Variants in PTPRK observed in about 807,000 individuals in gnomAD.
PTPRK encodes protein tyrosine phosphatase receptor type K.
PTPRK carries 75 observed loss-of-function variants against 178.0 expected under a neutral mutation model. The ratio of observed to expected loss-of-function variants is 0.42; its 90% CI spans 0.35 to 0.51. The LOEUF (loss-of-function observed/expected upper bound fraction) is 0.51, where lower values mean the gene tolerates loss of function less well. Among genes scored for constraint, PTPRK ranks in the 20% least tolerant of loss-of-function variants. The probability of loss-of-function intolerance (pLI) is 0.02; values close to 1 mark genes in which losing one functional copy is unlikely to be tolerated. For missense variants in PTPRK, 1,441 were observed against 1,797.8 expected (o/e 0.80, Z 3.59); for synonymous variants, 637 against 620.6 (o/e 1.03, Z -0.39).
chr6:128,492,556 G>T (rs972582563), intron 1 of PTPRK, among the ~76,000 whole-genome samples: 1 of 152,098 alleles, frequency 6.6e-6, no homozygotes, highest in Admixed American at 6.5e-5. Flanking sequence ...GGCCCCAAGA[G>T]AAGCTGTAAC....
At chr6:128,021,600 A>G (rs375331658) in intron 13 of PTPRK, among the ~76,000 whole-genome samples, 3 of 152,216 alleles carry the variant, frequency 2.0e-5, no homozygotes, top group South Asian at 4.1e-4. Context: ...AGATTGTGCC[A>G]CTGCACTCCA....
chr6:128,310,088 C>T (rs1322742516), intron 3 of PTPRK, among the ~76,000 whole-genome samples: 1 of 152,210 alleles, frequency 6.6e-6, no homozygotes, highest in Non-Finnish European at 1.5e-5. Context: ...CTTTACCCAA[C>T]AAGCACATGC....
intron 3 of PTPRK, among the ~76,000 whole-genome samples, chr6:128,297,167 A>G (rs1477207913): frequency 2.0e-5 from 3 of 152,132 alleles, no homozygotes; most frequent in African/African-American, 2.4e-5. Context: ...TTCAACAAGA[A>G]GAGCTAACTA....
intron 2 of PTPRK, among the ~76,000 whole-genome samples, chr6:128,381,027 C>T (rs1466497512): frequency 6.6e-6 from 1 of 152,012 alleles, no homozygotes; most frequent in Admixed American, 6.6e-5. Flanking sequence ...TAGATATTTG[C>T]TGGTGCTTGC....
At chr6:128,025,081 A>G (rs1774090701) in intron 13 of PTPRK, among the ~76,000 whole-genome samples, 1 of 152,234 alleles carries the variant, frequency 6.6e-6, no homozygotes, top group Non-Finnish European at 1.5e-5. Flanking sequence ...AGCTGAAAGA[A>G]TTTGCCAGTC....
chr6:128,514,383 T>C (rs913457804), intron 1 of PTPRK, among the ~76,000 whole-genome samples: 2 of 146,244 alleles, frequency 1.4e-5, no homozygotes, highest in African/African-American at 5.3e-5. Context: ...TGTGTGTGTG[T>C]GTGTGTGTGT....
intron 1 of PTPRK, among the ~76,000 whole-genome samples, chr6:128,471,573 C>A (rs1850655460): frequency 1.0e-5 from 1 of 97,640 alleles, no homozygotes; most frequent in Non-Finnish European, 2.1e-5. Context: ...AAATTTAAAT[C>A]AGAAAGGCAT....
chr6:128,058,920 T>G (rs994072323), intron 13 of PTPRK, among the ~76,000 whole-genome samples: 1 of 151,990 alleles, frequency 6.6e-6, no homozygotes, highest in Admixed American at 6.6e-5. Flanking sequence ...TGTCATTTAT[T>G]GAAAAGGGTA....
intron 13 of PTPRK, among the ~76,000 whole-genome samples, chr6:128,035,798 A>T (rs1012441193): frequency 1.6e-4 from 24 of 151,906 alleles, no homozygotes; most frequent in African/African-American, 5.6e-4. Flanking sequence ...TTAGATTAAG[A>T]CTCTATAATA....
chr6:128,004,192 A>G (rs1778166666), intron 15 of PTPRK, among the ~76,000 whole-genome samples: 1 of 151,840 alleles, frequency 6.6e-6, no homozygotes. Context: ...GCCAAATGCC[A>G]TAAGGCCCAA....
At position 128,086,146 on chromosome 6, in the gene PTPRK, T is replaced by A. The variant is rs186638171; in HGVS notation, c.1466-2322A>T. ...TTTGTTCCCTTGCCTGAGACTTATA[T>A]GACAGCTATTTCAGCTACTTTTTTT... is the stretch of plus-strand genomic sequence containing the variant. On this transcript the variant is annotated intron_variant, in intron 8 of 29. Coordinates refer to ENST00000368226, the MANE Select transcript of PTPRK (RefSeq NM_002844.4). Among the ~76,000 whole-genome samples the A allele has an allele frequency of 2.0e-3, 305 of 152,306 alleles. 4 individuals carry two copies. Among genetic ancestry groups the A allele is most frequent in the Non-Finnish European group, 2.6e-3 (177 of 68,004 alleles).
chr6:128,068,367 C>T (rs970644910), intron 11 of PTPRK, among the ~76,000 whole-genome samples: 3 of 152,180 alleles, frequency 2.0e-5, no homozygotes, highest in Non-Finnish European at 2.9e-5. Context: ...TGCGGCAATA[C>T]GGGCACAGAT....
intron 27 of PTPRK, 30 bp from the exon 28 acceptor site, chr6:127,973,857 C>A (rs780774701): frequency 1.9e-6 from 3 of 1,589,104 alleles, no homozygotes; most frequent in African/African-American, 2.7e-5. Context: ...TATGTAAATA[C>A]GCTGGGACTA....
rs757490289 is a variant in PTPRK at position 128,219,092 on chromosome 6, C to T, written c.698G>A (p.Arg233Gln). 6 of 1,611,318 alleles carry T rather than the reference C, an allele frequency of 3.7e-6. No individual in the cohort carries two copies. The highest frequency in any genetic ancestry group is 2.2e-5 in the East Asian group (1 of 44,844). Residue 233 changes from arginine (R) to glutamine (Q), a missense_variant, in exon 6 of 30, where the codon CGA becomes CAA. This residue lies in a region of PTPRK where 945 missense variants were observed against 1,080.6 expected (regional missense o/e 0.87). Coordinates refer to ENST00000368226, the MANE Select transcript of PTPRK (RefSeq NM_002844.4). The stretch of plus-strand genomic sequence containing the variant: ...GGCTACTGGTATATCTTCTCCATTT[C>T]GTCTCTGCAAACAGAAACCAATCTT... Reference protein sequence around the residue: ...AVHNKLWLQRRNGEDIPVAQT... With the variant: ...AVHNKLWLQRQNGEDIPVAQT...
At chr6:127,999,898 C>A in intron 15 of PTPRK, 1 of 846,872 alleles carries the variant, frequency 1.2e-6, no homozygotes, top group Non-Finnish European at 1.4e-6. Context: ...GCGTAAGTCC[C>A]TTCCCAATTG....
intron 7 of PTPRK, among the ~76,000 whole-genome samples, chr6:128,135,200 G>C (rs1270477402): frequency 6.6e-6 from 1 of 151,822 alleles, no homozygotes; most frequent in Non-Finnish European, 1.5e-5. Flanking sequence ...TCTTAGATAA[G>C]GCAAGGTCTA....
intron 13 of PTPRK, among the ~76,000 whole-genome samples, chr6:128,037,192 A>T (rs902646271): frequency 6.6e-6 from 1 of 151,946 alleles, no homozygotes; most frequent in Non-Finnish European, 1.5e-5. Context: ...TCATTGAGAG[A>T]CTCTCTTTTA....
At chr6:128,490,443 C>A (rs187735144) in intron 1 of PTPRK, among the ~76,000 whole-genome samples, 1 of 152,078 alleles carries the variant, frequency 6.6e-6, no homozygotes, top group African/African-American at 2.4e-5. Flanking sequence ...TACACTAGAA[C>A]GCAGAGGGCT....
chr6:128,005,795 C>T (rs917234401), intron 14 of PTPRK, among the ~76,000 whole-genome samples: 1 of 10,640 alleles, frequency 9.4e-5, no homozygotes, highest in African/African-American at 4.0e-4. Context: ...TAGACTAAAG[C>T]TACTTATGGA....
Sources: allele counts gnomAD v4.1 joint callset (sites outside exome capture counted in the v4.1 genomes callset), GRCh38; gene constraint gnomAD v4.1.1; regional missense constraint gnomAD v4.1.1; transcripts MANE v1.5; gene names NCBI Gene and HGNC (gene_info 2026-07-23, HGNC 2026-07-21).